Variants in ABLIM1 observed in about 807,000 individuals in gnomAD.
ABLIM1 encodes actin binding LIM protein 1.
A neutral mutation model predicts 107.0 loss-of-function variants in ABLIM1; 40 were observed. That is an observed-to-expected ratio of 0.37 (90% CI 0.29 to 0.49). ABLIM1 has a LOEUF of 0.49. Ranked by LOEUF, ABLIM1 falls within the 20% of genes least tolerant of loss-of-function variation. The pLI is 0.97. For synonymous variants in ABLIM1, 357 were observed against 357.3 expected (o/e 1.00, Z 0.01); for missense variants, 857 against 1,008.5 (o/e 0.85, Z 2.04).
At chr10:114,609,615 C>G (rs969033082) in intron 1 of ABLIM1, among the ~76,000 whole-genome samples, 1 of 152,160 alleles carries the variant, frequency 6.6e-6, no homozygotes, top group Non-Finnish European at 1.5e-5. Flanking sequence ...TATCAAATAG[C>G]CTGAGTTGTC....
intron 8 of ABLIM1, among the ~76,000 whole-genome samples, chr10:114,479,846 T>G (rs78029350): frequency 6.6e-6 from 1 of 152,268 alleles, no homozygotes; most frequent in African/African-American, 2.4e-5. Flanking sequence ...TCCAAACATG[T>G]TGAATTTCAA....
intron 1 of ABLIM1, among the ~76,000 whole-genome samples, chr10:114,611,488 A>G (rs1282233806): frequency 1.3e-5 from 2 of 151,034 alleles, no homozygotes; most frequent in East Asian, 1.9e-4. Flanking sequence ...AAAAAAAGAT[A>G]CTCTGATACT....
intron 6 of ABLIM1, among the ~76,000 whole-genome samples, chr10:114,512,594 G>A (rs1209861732): frequency 1.3e-5 from 2 of 152,160 alleles, no homozygotes; most frequent in African/African-American, 4.8e-5. Context: ...GGAGGCCGAG[G>A]AGGACGGATC....
the ABLIM1 span, among the ~76,000 whole-genome samples, chr10:114,796,857 G>A: frequency 6.6e-6 from 1 of 152,148 alleles, no homozygotes; most frequent in Non-Finnish European, 1.5e-5. Flanking sequence ...CTGGGCCATG[G>A]GACAGTTGTT....
intron 15 of ABLIM1, among the ~76,000 whole-genome samples, chr10:114,445,782 C>CT (rs1248949144): frequency 6.6e-6 from 1 of 152,192 alleles, no homozygotes; most frequent in East Asian, 1.9e-4. Context: ...TTTTTCCTTT[C>CT]TTTTTTGAGA....
intron 1 of ABLIM1, among the ~76,000 whole-genome samples, chr10:114,738,422 T>A (rs2082225509): frequency 6.6e-6 from 1 of 152,170 alleles, no homozygotes; most frequent in Admixed American, 6.5e-5. Context: ...TTCAGGCATC[T>A]AGAGAAACAA....
intron 6 of ABLIM1, among the ~76,000 whole-genome samples, chr10:114,500,816 T>C (rs1323161619): frequency 2.1e-5 from 3 of 142,150 alleles, no homozygotes; most frequent in Non-Finnish European, 4.6e-5. Flanking sequence ...AGGATTGTTA[T>C]GAAAGTTAAA....
chr10:114,472,650 A>G (rs1354905409), intron 10 of ABLIM1, among the ~76,000 whole-genome samples: 3 of 152,080 alleles, frequency 2.0e-5, no homozygotes, highest in Non-Finnish European at 2.9e-5. Context: ...GCTTATCACT[A>G]GACTAAGACC....
At chr10:114,699,470 A>T (rs1446241168) in intron 1 of ABLIM1, among the ~76,000 whole-genome samples, 1 of 152,132 alleles carries the variant, frequency 6.6e-6, no homozygotes, top group Non-Finnish European at 1.5e-5. Context: ...ATAAACCTTG[A>T]CAATGTAAAA....
chr10:114,722,887 G>A (rs1278360645), intron 1 of ABLIM1, among the ~76,000 whole-genome samples: 1 of 152,156 alleles, frequency 6.6e-6, no homozygotes, highest in Non-Finnish European at 1.5e-5. Flanking sequence ...TTTTAGGCTA[G>A]ATAATTTTTT....
At chr10:114,632,450 C>T in intron 1 of ABLIM1, 1 of 985,386 alleles carries the variant, frequency 1.0e-6, no homozygotes, top group Non-Finnish European at 1.2e-6. Flanking sequence ...TTTACTACGG[C>T]TTCTTTCAGG....
At chr10:114,552,226 G>A (rs564256802) in intron 4 of ABLIM1, among the ~76,000 whole-genome samples, 15 of 152,276 alleles carry the variant, frequency 9.9e-5, no homozygotes, top group African/African-American at 3.6e-4. Flanking sequence ...GATTCATGCT[G>A]GATTGCTCAC....
intron 2 of ABLIM1, among the ~76,000 whole-genome samples, chr10:114,583,404 AACACACACACACACACACACACACACAC>A (rs1164587300): frequency 2.4e-4 from 17 of 71,362 alleles, no homozygotes; most frequent in African/African-American, 8.8e-4. Context: ...GAGAAAAGGG[AACACACACACACACACACACACACACAC>A]ACACACACAC....
chr10:114,704,303 T>C (rs1195762096), intron 1 of ABLIM1, among the ~76,000 whole-genome samples: 1 of 18,280 alleles, frequency 5.5e-5, no homozygotes, highest in African/African-American at 2.8e-4. Context: ...TCTCTCTCTC[T>C]ATATATATAT....
chr10:114,557,072 T>C (rs2068837685), intron 4 of ABLIM1, among the ~76,000 whole-genome samples: 1 of 152,230 alleles, frequency 6.6e-6, no homozygotes, highest in South Asian at 2.1e-4. Flanking sequence ...AACATTCATG[T>C]GGGTGCAAAG....
intron 10 of ABLIM1, among the ~76,000 whole-genome samples, chr10:114,471,612 C>CTA (rs1211833430): frequency 6.6e-6 from 1 of 151,918 alleles, no homozygotes; most frequent in African/African-American, 2.4e-5. Flanking sequence ...CCACGCAGAG[C>CTA]TATGCTCTGG....
intron 6 of ABLIM1, among the ~76,000 whole-genome samples, chr10:114,543,375 A>G (rs2066927000): frequency 6.6e-6 from 1 of 152,158 alleles, no homozygotes; most frequent in Non-Finnish European, 1.5e-5. Flanking sequence ...GTATGGATTT[A>G]CCTATTCTAG....
chr10:114,725,361 G>A (rs998924371), intron 1 of ABLIM1, among the ~76,000 whole-genome samples: 12 of 152,088 alleles, frequency 7.9e-5, no homozygotes, highest in Admixed American at 4.6e-4. Context: ...TCCATTAGCA[G>A]GAAATGTGGA....
At chr10:114,542,589 G>GGAAGGAA (rs2066833909) in intron 6 of ABLIM1, among the ~76,000 whole-genome samples, 1 of 150,022 alleles carries the variant, frequency 6.7e-6, no homozygotes, top group South Asian at 2.1e-4. Flanking sequence ...AGGAGGAGGA[G>GGAAGGAA]GAAGGAGGAA....
Sources: gnomAD v4.1 joint callset for allele counts (sites outside exome capture counted in the v4.1 genomes callset) on GRCh38, gnomAD v4.1.1 for gene constraint, MANE v1.5 for transcripts, NCBI Gene and HGNC (gene_info 2026-07-23, HGNC 2026-07-21) for gene names.